Variants in GPD1 observed in about 807,000 individuals in gnomAD.
The protein encoded by GPD1 is glycerol-3-phosphate dehydrogenase 1.
In GPD1, 19 loss-of-function variants were observed where a neutral mutation model predicts 34.4. The observed-to-expected ratio is 0.55, with a 90% CI of 0.39 to 0.81. The LOEUF is 0.81. GPD1 is among the 30% of genes least tolerant of loss of function. The probability of loss-of-function intolerance (pLI) is 0.00; values close to 1 mark genes in which losing one functional copy is unlikely to be tolerated. For synonymous variants in GPD1, 172 were observed against 174.1 expected (o/e 0.99, Z 0.09); for missense variants, 429 against 447.0 (o/e 0.96, Z 0.36).
chr12:50,104,321 G>C, intron 1 of GPD1: 2 of 702,842 alleles, frequency 2.8e-6, no homozygotes, highest in Admixed American at 4.1e-5. Flanking sequence ...TCTATGTGAA[G>C]AGCCGCTTGA....
At chr12:50,108,484 A>C (rs1427037028) in intron 7 of GPD1, among the ~76,000 whole-genome samples, 3 of 152,074 alleles carry the variant, frequency 2.0e-5, no homozygotes, top group Non-Finnish European at 2.9e-5. Context: ...CCCAAGGCCA[A>C]CCCATCTGTT....
intron 1 of GPD1, 55 bp from the exon 2 acceptor site, chr12:50,104,519 A>G: frequency 7.1e-7 from 1 of 1,409,566 alleles, no homozygotes; most frequent in Non-Finnish European, 1.0e-6. Context: ...GCGCTGCCCC[A>G]ACTCCTGCCA....
intron 1 of GPD1, 40 bp downstream of exon 1, chr12:50,104,131 C>G: frequency 6.3e-7 from 1 of 1,595,288 alleles, no homozygotes; most frequent in South Asian, 1.1e-5. Flanking sequence ...AAGGGTAGGC[C>G]CCCCAAGACA....
intron 3 of GPD1, 110 bp downstream of exon 3, chr12:50,105,798 G>C (rs1950974009): frequency 1.7e-6 from 2 of 1,148,056 alleles, no homozygotes; most frequent in Non-Finnish European, 2.5e-6. Context: ...CCAAGAGTTT[G>C]CTGGAGAAAA....
chr12:50,109,088 T>C (rs1443407026), intron 7 of GPD1, among the ~76,000 whole-genome samples: 3 of 148,222 alleles, frequency 2.0e-5, no homozygotes, highest in Non-Finnish European at 4.4e-5. Flanking sequence ...TGAGCCAAGA[T>C]TGCACCACTG....
Position 50,105,912 on chromosome 12 carries a change from C to T in GPD1, c.360+224C>T, listed in dbSNP as rs774165936. On this transcript the variant is annotated intron_variant, in intron 3 of 7. Transcript: ENST00000301149. ...GACGAGATTGGTTTGGAGGTCCTCT[C>T]GGGGAGTTTCGGAGGTATAAAGGAA... 73 of 694,330 alleles carry T rather than the reference C, an allele frequency of 1.1e-4. 1 individual carries two copies. The highest frequency in any genetic ancestry group is 6.3e-4 in the Admixed American group (31 of 49,590). 43.0% of individuals were successfully genotyped at this position (694,330 alleles called of 1,614,324 possible). A position where few individuals can be genotyped will look rare whatever the true frequency, so the allele number is the denominator to read the frequency against.
At chr12:50,104,503 G>C (rs766608857) in intron 1 of GPD1, 71 bp from the exon 2 acceptor site, 3 of 1,191,332 alleles carry the variant, frequency 2.5e-6, no homozygotes, top group Non-Finnish European at 3.8e-6. Context: ...GAGATCCTGA[G>C]GTGGGGCGCT....
chr12:50,107,938 C>A, intron 6 of GPD1, 86 bp from the exon 7 acceptor site: 1 of 1,025,788 alleles, frequency 9.7e-7, no homozygotes, highest in Non-Finnish European at 1.5e-6. Flanking sequence ...CCCAAGACCC[C>A]ACTCCCATCT....
rs746162429 is a variant in GPD1 at position 50,107,715 on chromosome 12, A to G, written c.761A>G (p.Glu254Gly). 1 of 1,613,966 alleles carries G rather than the reference A, an allele frequency of 6.2e-7. No homozygotes were observed. Among genetic ancestry groups the G allele is most frequent in the Non-Finnish European group, 8.5e-7 (1 of 1,179,942 alleles). ...CCTGTGTCCTCTGCCACCTTCTTGG[A>G]GAGCTGTGGTGTTGCTGACCTGATC... The part of the protein sequence containing the change: ...SGPVSSATFL[E>G]SCGVADLITT... Residue 254 changes from glutamate (E) to glycine (G), a missense_variant, in exon 6 of 8, where the codon GAG (glutamate) becomes GGG (glycine). Transcript: ENST00000301149.
rs1950960235 is a variant in GPD1, at chr12:50,104,040, G to GAC, written c.-10_-9dup. 1 of 1,613,972 alleles carries GAC rather than the reference G, an allele frequency of 6.2e-7. No individual in the cohort carries two copies. The highest frequency in any genetic ancestry group is 1.1e-5 in the South Asian group (1 of 91,090). On this transcript the variant is annotated 5_prime_UTR_variant, in exon 1 of 8. Coordinates refer to ENST00000301149, the MANE Select transcript of GPD1 (RefSeq NM_005276.4). Reference sequence around the variant, plus strand: ...GTGGCACTGAGCCGGCTCAGGCAGAGACGCGGCACCATGGCTAGCAAGAAA... The same window carrying GAC: ...GTGGCACTGAGCCGGCTCAGGCAGAGACACGCGGCACCATGGCTAGCAAGAAA...
rs575550203 is a variant in GPD1 at position 50,110,237 on chromosome 12, C to G, written c.*718C>G. 6.5e-6 allele frequency: 1 copy of G among 152,708 alleles called. No homozygotes were observed. Among genetic ancestry groups the G allele is most frequent in the East Asian group, 1.9e-4 (1 of 5,190 alleles). 9.5% of individuals were successfully genotyped at this position (152,708 alleles called of 1,614,324 possible). On this transcript the variant is annotated 3_prime_UTR_variant, in exon 8 of 8. Transcript: ENST00000301149. The stretch of plus-strand genomic sequence containing the variant: ...CTTGACATTCTCCCCAGGGACTTCC[C>G]GGTTCCTAGTTCTTTGCCAGCTCCT...
intron 2 of GPD1, chr12:50,105,208 G>A (rs1950969786): frequency 3.0e-6 from 1 of 330,752 alleles, no homozygotes; most frequent in East Asian, 5.7e-5. Context: ...GGTTCCTGAG[G>A]AGCTGGGTGA....
At chr12:50,105,785 A>G in intron 3 of GPD1, 97 bp downstream of exon 3, 1 of 1,243,124 alleles carries the variant, frequency 8.0e-7, no homozygotes, top group Non-Finnish European at 1.2e-6. Context: ...TGGCAGACGC[A>G]GGCCAAGAGT....
At chr12:50,107,387 C>T (rs1355203818) in intron 5 of GPD1, 180 bp from the exon 6 acceptor site, 1 of 711,630 alleles carries the variant, frequency 1.4e-6, no homozygotes, top group South Asian at 1.5e-5. Context: ...TGGGGCAGGG[C>T]TTAAGAAAGG....
chr12:50,106,991 T>G (rs764535930), intron 5 of GPD1, 74 bp downstream of exon 5: 1 of 862,406 alleles, frequency 1.2e-6, no homozygotes, highest in Admixed American at 1.9e-5. Context: ...TCTGCAAGGC[T>G]GCAGGTACTC....
At chr12:50,107,403 C>T (rs189211543) in intron 5 of GPD1, 164 bp from the exon 6 acceptor site, 13 of 727,464 alleles carry the variant, frequency 1.8e-5, no homozygotes, top group Non-Finnish European at 2.7e-5. Context: ...AAAGGGGGTG[C>T]AGCAAGGGGG....
chr12:50,105,718 G>T (rs1225013618), intron 3 of GPD1, 30 bp downstream of exon 3: 2 of 1,611,368 alleles, frequency 1.2e-6, no homozygotes, highest in African/African-American at 1.3e-5. Flanking sequence ...GTGGATGGGG[G>T]AGGGTGCGGC....
rs1224277565 is a variant in GPD1 at position 50,106,286 on chromosome 12, AG to A, written c.364del. 6.2e-7 allele frequency: 1 copy of A among 1,606,234 alleles called. No individual in the cohort carries two copies. The highest frequency in any genetic ancestry group is 2.2e-5 in the East Asian group (1 of 44,784). ...CTGGCCTGAGCTCCATCCTGTGCTC[AG>A]GGGGTAGACGAGGGCCCCAATGGGC... On this transcript the variant is annotated splice_acceptor_variant, in intron 3 of 7. Coordinates refer to ENST00000301149, the MANE Select transcript of GPD1 (RefSeq NM_005276.4). LOFTEE classifies it high-confidence loss of function.
At chr12:50,107,196 G>C (rs567722967) in intron 5 of GPD1, 8 of 661,548 alleles carry the variant, frequency 1.2e-5, no homozygotes, top group Non-Finnish European at 2.2e-5. Flanking sequence ...GGTCCAGGGG[G>C]ACAAGGAGAT....
Sources: gnomAD v4.1 joint callset for allele counts (sites outside exome capture counted in the v4.1 genomes callset) on GRCh38, gnomAD v4.1.1 for gene constraint, MANE v1.5 for transcripts, NCBI Gene and HGNC (gene_info 2026-07-23, HGNC 2026-07-21) for gene names.